ADAMTSL3: variants seen among roughly 807,000 people sequenced by gnomAD.
ADAMTSL3 encodes the protein ADAMTS like 3.
ADAMTSL3 carries 128 observed loss-of-function variants against 201.7 expected under a neutral mutation model. The observed-to-expected ratio is 0.63, with a 90% CI of 0.55 to 0.73. The LOEUF is 0.73. Among genes scored for constraint, ADAMTSL3 ranks in the 30% least tolerant of loss-of-function variants. ADAMTSL3 has a pLI of 0.00. For missense variants in ADAMTSL3, 1,990 were observed against 2,119.6 expected (o/e 0.94, Z 1.20); for synonymous variants, 738 against 748.4 (o/e 0.99, Z 0.23).
chr15:84,031,531 ACT>A, intron 28 of ADAMTSL3, 99 bp downstream of exon 28: 4 of 1,055,890 alleles, frequency 3.8e-6, no homozygotes, highest in East Asian at 4.8e-5. Flanking sequence ...GTTTCTACCA[ACT>A]CTCATAATTG....
At chr15:83,780,420 A>C (rs1044003592) in intron 4 of ADAMTSL3, among the ~76,000 whole-genome samples, 1 of 150,928 alleles carries the variant, frequency 6.6e-6, no homozygotes, top group Admixed American at 6.6e-5. Flanking sequence ...AAAAAAAAAA[A>C]AAACAAACTT....
intron 16 of ADAMTSL3, among the ~76,000 whole-genome samples, chr15:83,922,287 A>G (rs1323822486): frequency 6.6e-6 from 1 of 152,204 alleles, no homozygotes; most frequent in African/African-American, 2.4e-5. Flanking sequence ...AAACTTATAA[A>G]TTATTTTCAG....
chr15:83,917,526 A>G (rs2141973461), intron 16 of ADAMTSL3, among the ~76,000 whole-genome samples: 1 of 152,338 alleles, frequency 6.6e-6, no homozygotes, highest in Non-Finnish European at 1.5e-5. Context: ...GTGCACACAC[A>G]TACTCATGTA....
At chr15:83,885,258 A>T (rs759999669) in intron 10 of ADAMTSL3, 46 bp downstream of exon 10, 17 of 1,442,486 alleles carry the variant, frequency 1.2e-5, no homozygotes, top group Middle Eastern at 1.7e-4. Flanking sequence ...TCAGAGTTAG[A>T]TAAATTAGAC....
In ADAMTSL3 at chr15:83,923,822, A is replaced by G. The variant is rs1032845678; in HGVS notation, c.1988-82A>G. 3 of 1,516,502 alleles carry G rather than the reference A, an allele frequency of 2.0e-6. No homozygotes were observed. In the African/African-American group the frequency reaches 4.1e-5, roughly 21 times the overall value. The allele number at this position is 1,516,502 out of a possible 1,614,324, so 93.9% of individuals were successfully genotyped here. On this transcript the variant is annotated intron_variant, in intron 16 of 29. Coordinates refer to ENST00000286744, the MANE Select transcript of ADAMTSL3 (RefSeq NM_207517.3). Reference sequence around the variant, plus strand: ...TCAAAAGGGCAGTATGCTAAGAATGAGAAGACCTAAGACTCTATTTTCTTT... The same window carrying G: ...TCAAAAGGGCAGTATGCTAAGAATGGGAAGACCTAAGACTCTATTTTCTTT...
At chr15:84,029,465 A>C (rs562951679) in intron 27 of ADAMTSL3, among the ~76,000 whole-genome samples, 2 of 152,344 alleles carry the variant, frequency 1.3e-5, no homozygotes, top group East Asian at 3.9e-4. Flanking sequence ...ATCTGGTAGA[A>C]GAAATTTCTA....
At chr15:83,718,633 G>A (rs374411066) in intron 3 of ADAMTSL3, among the ~76,000 whole-genome samples, 12 of 150,802 alleles carry the variant, frequency 8.0e-5, no homozygotes, top group South Asian at 4.2e-4. Flanking sequence ...AGAGGTTGCC[G>A]CGAGCTGAGA....
At chr15:83,912,427 A>T (rs982976181) in intron 15 of ADAMTSL3, among the ~76,000 whole-genome samples, 7 of 152,244 alleles carry the variant, frequency 4.6e-5, no homozygotes, top group Non-Finnish European at 4.4e-5. Context: ...TACCAAAGAT[A>T]GGTGGGCCAG....
At chr15:83,708,008 C>A (rs1335537836) in intron 3 of ADAMTSL3, among the ~76,000 whole-genome samples, 1 of 152,178 alleles carries the variant, frequency 6.6e-6, no homozygotes, top group African/African-American at 2.4e-5. Flanking sequence ...TGCCAGCAGC[C>A]ACCGGCATTC....
intron 2 of ADAMTSL3, among the ~76,000 whole-genome samples, chr15:83,657,243 CTTATAAAATTTAAATATG>C (rs1274868830): frequency 6.6e-6 from 1 of 152,184 alleles, no homozygotes; most frequent in Non-Finnish European, 1.5e-5. Context: ...CTTCTTTCAC[CTTATAAAATTTAAATATG>C]CTTTGAGGCA....
At chr15:83,970,694 C>A in intron 20 of ADAMTSL3, 57 bp downstream of exon 20, 2 of 1,588,756 alleles carry the variant, frequency 1.3e-6, no homozygotes, top group Non-Finnish European at 1.7e-6. Flanking sequence ...CATTTTGTCC[C>A]GATGTCTTTA....
intron 3 of ADAMTSL3, among the ~76,000 whole-genome samples, chr15:83,765,317 C>T (rs1390637600): frequency 6.6e-6 from 1 of 152,214 alleles, no homozygotes; most frequent in African/African-American, 2.4e-5. Flanking sequence ...AAATCTGGGT[C>T]GTTTGAGATC....
chr15:83,720,793 T>C (rs2062089280), intron 3 of ADAMTSL3, among the ~76,000 whole-genome samples: 1 of 152,192 alleles, frequency 6.6e-6, no homozygotes, highest in Non-Finnish European at 1.5e-5. Context: ...TCCTGCCCCA[T>C]TACAGGATAG....
intron 2 of ADAMTSL3, among the ~76,000 whole-genome samples, chr15:83,703,034 C>T (rs946887763): frequency 6.6e-6 from 1 of 152,164 alleles, no homozygotes; most frequent in Non-Finnish European, 1.5e-5. Context: ...CCTCTTGCCT[C>T]AGCGTGACCT....
intron 19 of ADAMTSL3, among the ~76,000 whole-genome samples, chr15:83,957,131 C>T (rs2066878089): frequency 5.3e-5 from 8 of 152,140 alleles, no homozygotes; most frequent in Admixed American, 5.2e-4. Context: ...GGAGTTGCGT[C>T]TTAAGAGATG....
At chr15:83,792,945 C>G (rs937994149) in intron 4 of ADAMTSL3, among the ~76,000 whole-genome samples, 9 of 152,106 alleles carry the variant, frequency 5.9e-5, no homozygotes, top group Admixed American at 5.9e-4. Context: ...AAGTGTCTAT[C>G]AGTGAATGAA....
intron 9 of ADAMTSL3, among the ~76,000 whole-genome samples, chr15:83,877,948 A>G (rs1243402604): frequency 6.6e-6 from 1 of 152,118 alleles, no homozygotes; most frequent in Non-Finnish European, 1.5e-5. Flanking sequence ...ATTAATACTA[A>G]TAGTTTGTGA....
chr15:84,000,844 G>A (rs1218010123), intron 23 of ADAMTSL3, among the ~76,000 whole-genome samples: 1 of 152,186 alleles, frequency 6.6e-6, no homozygotes, highest in Admixed American at 6.5e-5. Flanking sequence ...TTAAAGCAGA[G>A]GATGTGAAGG....
At chr15:83,700,170 A>C (rs1260176138) in intron 2 of ADAMTSL3, among the ~76,000 whole-genome samples, 1 of 152,172 alleles carries the variant, frequency 6.6e-6, no homozygotes, top group African/African-American at 2.4e-5. Flanking sequence ...TATATGCGGG[A>C]AGCTGTTTTA....
Sources: gnomAD v4.1 joint callset for allele counts (sites outside exome capture counted in the v4.1 genomes callset) on GRCh38, gnomAD v4.1.1 for gene constraint, MANE v1.5 for transcripts, NCBI Gene and HGNC (gene_info 2026-07-23, HGNC 2026-07-21) for gene names.